SPMAP1: variants seen among roughly 807,000 people sequenced by gnomAD.
SPMAP1 encodes the protein uncharacterized protein C17orf98.
chr17:38,838,152 G>A, the SPMAP1 span, among the ~76,000 whole-genome samples: 27 of 152,066 alleles, frequency 1.8e-4, no homozygotes, highest in African/African-American at 6.3e-4. Context: ...CAAAGTGCTG[G>A]GATTACAGGA....
the SPMAP1 span, among the ~76,000 whole-genome samples, chr17:38,839,085 C>CAAAAAAAAA: frequency 1.6e-5 from 1 of 63,900 alleles, no homozygotes; most frequent in Non-Finnish European, 3.1e-5. Context: ...GACTCTGTCT[C>CAAAAAAAAA]AAAAAAAAAA....
At chr17:38,835,388 C>T in the SPMAP1 span, 2 of 1,606,024 alleles carry the variant, frequency 1.2e-6, no homozygotes, top group South Asian at 1.1e-5. Flanking sequence ...GCATTCAGCC[C>T]ACCTCTTGGC....
chr17:38,837,398 C>A, the SPMAP1 span, among the ~76,000 whole-genome samples: 1 of 152,120 alleles, frequency 6.6e-6, no homozygotes, highest in Admixed American at 6.6e-5. Flanking sequence ...AGAACCAGAC[C>A]GGGTGCAGTG....
chr17:38,841,268 G>T, the SPMAP1 span: 3 of 1,614,034 alleles, frequency 1.9e-6, no homozygotes, highest in Admixed American at 1.7e-5. Flanking sequence ...GTTGTAGGGC[G>T]GAATCGCCGA....
the SPMAP1 span, chr17:38,835,358 G>A: frequency 6.2e-7 from 1 of 1,613,942 alleles, no homozygotes; most frequent in Non-Finnish European, 8.5e-7. Flanking sequence ...TTGGGGACAA[G>A]GAGAGAGAGG....
chr17:38,835,458 C>T, the SPMAP1 span: 1 of 1,116,960 alleles, frequency 9.0e-7, no homozygotes, highest in East Asian at 2.4e-5. Context: ...TTGCATTCCC[C>T]ATGCTGAACA....
chr17:38,839,583 C>T, the SPMAP1 span, among the ~76,000 whole-genome samples: 3 of 151,850 alleles, frequency 2.0e-5, no homozygotes, highest in African/African-American at 7.3e-5. Flanking sequence ...GTCAGGAGTT[C>T]GAGAACACCC....
At chr17:38,837,064 C>T in the SPMAP1 span, 19 of 973,230 alleles carry the variant, frequency 2.0e-5, no homozygotes, top group Middle Eastern at 4.7e-4. Flanking sequence ...GATGCAGTCC[C>T]TTTGCCTCTT....
At chr17:38,835,447 C>G in the SPMAP1 span, 1 of 1,239,790 alleles carries the variant, frequency 8.1e-7, no homozygotes, top group Non-Finnish European at 1.2e-6. Flanking sequence ...GGCGTAGTCA[C>G]TTGCATTCCC....
chr17:38,840,394 T>C, the SPMAP1 span, among the ~76,000 whole-genome samples: 3 of 152,132 alleles, frequency 2.0e-5, no homozygotes, highest in African/African-American at 7.2e-5. Flanking sequence ...AAGCTGGCTT[T>C]GAGCCCTATC....
chr17:38,841,128 A>G, the SPMAP1 span: 1 of 1,408,808 alleles, frequency 7.1e-7, no homozygotes, highest in African/African-American at 1.4e-5. Flanking sequence ...TGTGGTGAGA[A>G]CGCTGGAGTG....
At chr17:38,837,289 C>G in the SPMAP1 span, 24 of 1,285,544 alleles carry the variant, frequency 1.9e-5, no homozygotes, top group South Asian at 4.7e-5. Context: ...AGCCACAATG[C>G]TGAGGGGGAC....
the SPMAP1 span, among the ~76,000 whole-genome samples, chr17:38,839,442 A>G: frequency 8.7e-4 from 123 of 141,806 alleles, no homozygotes; most frequent in Non-Finnish European, 1.5e-3. Flanking sequence ...CACTCCAGCC[A>G]GGGTGACAGA....
the SPMAP1 span, among the ~76,000 whole-genome samples, chr17:38,836,842 C>T: frequency 6.6e-6 from 1 of 151,656 alleles, no homozygotes; most frequent in African/African-American, 2.4e-5. Flanking sequence ...GTGATCCACC[C>T]GCCTCAGCTC....
chr17:38,841,257 C>T, the SPMAP1 span: 1 of 1,614,168 alleles, frequency 6.2e-7, no homozygotes, highest in African/African-American at 1.3e-5. Context: ...TCCTGCTGCG[C>T]GTTGTAGGGC....
the SPMAP1 span, among the ~76,000 whole-genome samples, chr17:38,837,411 T>C: frequency 3.3e-5 from 5 of 152,078 alleles, no homozygotes; most frequent in Non-Finnish European, 5.9e-5. Flanking sequence ...GTGCAGTGGC[T>C]CAGGCCTCTA....
the SPMAP1 span, chr17:38,835,110 A>C: frequency 4.7e-6 from 7 of 1,473,862 alleles, no homozygotes; most frequent in Non-Finnish European, 6.6e-6. Context: ...AATTTTTTTA[A>C]CGTAAAATAA....
At chr17:38,836,585 C>CTTTTTT in the SPMAP1 span, among the ~76,000 whole-genome samples, 9 of 58,408 alleles carry the variant, frequency 1.5e-4, no homozygotes, top group Non-Finnish European at 2.2e-4. Flanking sequence ...TTCTTTCTTT[C>CTTTTTT]TTTTTTTTTT....
the SPMAP1 span, chr17:38,837,111 G>C: frequency 2.0e-6 from 3 of 1,492,752 alleles, no homozygotes; most frequent in Non-Finnish European, 2.8e-6. Flanking sequence ...CAGGAACCAT[G>C]ATGAGGCTAG....
Sources: allele counts gnomAD v4.1 joint callset (sites outside exome capture counted in the v4.1 genomes callset), GRCh38; gene constraint gnomAD v4.1.1; transcripts MANE v1.5; gene names NCBI Gene and HGNC (gene_info 2026-07-23, HGNC 2026-07-21).